Variants in BCOR observed in about 807,000 individuals in gnomAD.
BCOR encodes the protein BCL6 corepressor.
BCOR carries 10 observed loss-of-function variants against 86.7 expected under a neutral mutation model. The ratio of observed to expected loss-of-function variants is 0.12; its 90% confidence interval spans 0.07 to 0.20. The LOEUF (loss-of-function observed/expected upper bound fraction) is 0.20, where lower values mean the gene tolerates loss of function less well. Ranked by LOEUF, BCOR falls within the 10% of genes least tolerant of loss-of-function variation. The probability of loss-of-function intolerance (pLI) is 1.00; values close to 1 mark genes in which losing one functional copy is unlikely to be tolerated. For missense variants in BCOR, 1,259 were observed against 1,452.1 expected (o/e 0.87, Z 2.16); for synonymous variants, 611 against 609.0 (o/e 1.00, Z -0.05).
At chrX:40,066,923 C>A (rs1399849282) in intron 6 of BCOR, among the ~76,000 whole-genome samples, 1 of 60,544 alleles carries the variant, frequency 1.7e-5, no homozygotes, top group Non-Finnish European at 2.9e-5. Context: ...CCAGAGACAC[C>A]CCCCCCCCCC....
At chrX:40,146,183 C>A (rs182995115) in intron 1 of BCOR, among the ~76,000 whole-genome samples, 1 of 112,224 alleles carries the variant, frequency 8.9e-6, no homozygotes, top group African/African-American at 3.2e-5. Context: ...GCTCTCCGCA[C>A]GGTAGCCTGA....
At chrX:40,151,914 C>G (rs955331078) in intron 1 of BCOR, among the ~76,000 whole-genome samples, 1 of 111,958 alleles carries the variant, frequency 8.9e-6, no homozygotes, top group Non-Finnish European at 1.9e-5. Flanking sequence ...ACTGTCCTTT[C>G]GACGTGAGAT....
chrX:40,126,846 A>G (rs1937550765), intron 1 of BCOR, among the ~76,000 whole-genome samples: 1 of 104,537 alleles, frequency 9.6e-6, no homozygotes, highest in Admixed American at 1.0e-4. Context: ...AAGAAAAAGA[A>G]AAAAAAAAAA....
intron 1 of BCOR, among the ~76,000 whole-genome samples, chrX:40,108,710 G>A (rs983486124): frequency 8.8e-6 from 1 of 113,272 alleles, no homozygotes; most frequent in Non-Finnish European, 1.9e-5. Context: ...CCACAGGAGA[G>A]CGTCCCGCGC....
intron 1 of BCOR, among the ~76,000 whole-genome samples, chrX:40,080,299 G>T (rs923060460): frequency 9.1e-6 from 1 of 109,692 alleles, no homozygotes. Context: ...AAATTAGCTG[G>T]GCGTGGTGGT....
chrX:40,053,394 ACCAT>A (rs1934423448), intron 14 of BCOR, among the ~76,000 whole-genome samples: 1 of 112,017 alleles, frequency 8.9e-6, no homozygotes, highest in African/African-American at 3.2e-5. Context: ...TAGGGGCTCA[ACCAT>A]AGGGGGCAGA....
At chrX:40,122,766 G>A (rs1486940389) in intron 1 of BCOR, among the ~76,000 whole-genome samples, 2 of 110,881 alleles carry the variant, frequency 1.8e-5, no homozygotes, top group Admixed American at 9.6e-5. Context: ...TAAACTCCCC[G>A]GTCACTGGGG....
chrX:40,133,933 TA>T (rs2147920638), intron 1 of BCOR, among the ~76,000 whole-genome samples: 1 of 110,931 alleles, frequency 9.0e-6, no homozygotes. Context: ...AGCGAGGAGA[TA>T]AGGCGTAAAG....
chrX:40,102,195 C>A (rs1195060190), upstream of BCOR, among the ~76,000 whole-genome samples: 2 of 112,771 alleles, frequency 1.8e-5, no homozygotes, highest in Non-Finnish European at 3.8e-5. Context: ...TCTTCCTAGC[C>A]TTTGGAGGGT....
intron 1 of BCOR, among the ~76,000 whole-genome samples, chrX:40,094,835 C>A (rs1053676577): frequency 4.4e-5 from 5 of 113,390 alleles, no homozygotes; most frequent in African/African-American, 1.6e-4. Flanking sequence ...CAGCGAGGCC[C>A]CGGCCTGTGT....
At chrX:40,059,929 C>T (rs5963728) in intron 10 of BCOR, among the ~76,000 whole-genome samples, 10,523 of 112,347 alleles carry the variant, frequency 0.094, 712 homozygotes, top group East Asian at 0.6. Context: ...TGTAACTGGC[C>T]TTTCAGGTGG....
At chrX:40,080,975 GCACACACACACGCGCA>G (rs1187417358) in intron 1 of BCOR, among the ~76,000 whole-genome samples, 3 of 34,506 alleles carry the variant, frequency 8.7e-5, no homozygotes, top group Non-Finnish European at 1.6e-4. Context: ...ACGCACACGC[GCACACACACACGCGCA>G]CACACACACA....
chrX:40,153,807 G>A (rs1938221488), intron 1 of BCOR, among the ~76,000 whole-genome samples: 1 of 112,667 alleles, frequency 8.9e-6, no homozygotes. Context: ...CCGGAGGCTC[G>A]GGGCCGCAGC....
At chrX:40,100,593 G>A (rs917082467), upstream of BCOR, among the ~76,000 whole-genome samples, 2 of 110,829 alleles carry the variant, frequency 1.8e-5, no homozygotes, top group African/African-American at 6.6e-5. Context: ...CTAGAATTCG[G>A]GAGGCTGAGC....
chrX:40,074,937 C>T lies in BCOR; in HGVS notation c.409G>A (p.Val137Ile), dbSNP rs146403660. Residue 137 changes from valine (V) to isoleucine (I), a missense_variant, in exon 4 of 15, where the codon GTC becomes ATC. Physicochemically the swap from Val to Ile is conservative, Grantham distance 29. Around this residue, in one of 7 missense-constraint regions of BCOR, gnomAD observed 174 missense variants for 189.3 expected, o/e 0.92. Transcript: ENST00000378444. Reference protein sequence around the residue: ...NTPETVEASAVSGKPPNGFSA... With the variant: ...NTPETVEASAISGKPPNGFSA... The stretch of plus-strand genomic sequence containing the variant: ...AAGCCATTTGGGGGTTTTCCAGAGA[C>T]GGCAGAAGCCTCCACTGTCTCGGGT... 6.0e-5 allele frequency: 73 copies of T among 1,208,735 alleles called. No individual in the cohort carries two copies. The African/African-American group carries it at 8.5e-4, about 14-fold the overall frequency.
chrX:40,091,454 C>A (rs1367651201), intron 1 of BCOR, among the ~76,000 whole-genome samples: 1 of 112,429 alleles, frequency 8.9e-6, no homozygotes, highest in African/African-American at 3.2e-5. Flanking sequence ...GTGGGAGACA[C>A]AGCTCTAAAA....
At chrX:40,082,680 C>G (rs1337917405) in intron 1 of BCOR, among the ~76,000 whole-genome samples, 1 of 111,805 alleles carries the variant, frequency 8.9e-6, no homozygotes, top group African/African-American at 3.3e-5. Context: ...CCGCGTGTCT[C>G]TGGGCAGGTG....
At chrX:40,072,252 G>A (rs886271740) in intron 4 of BCOR, 97 bp downstream of exon 4, 16 of 920,478 alleles carry the variant, frequency 1.7e-5, no homozygotes, top group Non-Finnish European at 2.3e-5. Context: ...CACCAAATCT[G>A]CCTGGTGCCC....
upstream of BCOR, among the ~76,000 whole-genome samples, chrX:40,102,163 G>A (rs760399186): frequency 1.7e-3 from 189 of 112,771 alleles, no homozygotes; most frequent in African/African-American, 5.9e-3. Context: ...GGGTCGCCAG[G>A]CTGAACATGA....
Sources: gnomAD v4.1 joint callset for allele counts (sites outside exome capture counted in the v4.1 genomes callset) on GRCh38, gnomAD v4.1.1 for gene constraint, gnomAD v4.1.1 regional missense constraint, MANE v1.5 for transcripts, NCBI Gene and HGNC (gene_info 2026-07-23, HGNC 2026-07-21) for gene names.